Variants in FBXL17 observed in about 807,000 individuals in gnomAD.
FBXL17 encodes F-box and leucine rich repeat protein 17.
FBXL17 carries 22 observed loss-of-function variants against 66.2 expected under a neutral mutation model. The observed-to-expected ratio is 0.33, with a 90% confidence interval of 0.24 to 0.47. The LOEUF (loss-of-function observed/expected upper bound fraction) is 0.47. Ranked by LOEUF, FBXL17 falls within the 20% of genes least tolerant of loss-of-function variation. FBXL17 has a pLI of 1.00. For missense variants in FBXL17, 878 were observed against 948.2 expected (o/e 0.93, Z 0.97); for synonymous variants, 474 against 400.5 (o/e 1.18, Z -2.19).
At chr5:108,283,475 C>T (rs1487037967) in intron 4 of FBXL17, among the ~76,000 whole-genome samples, 1 of 151,658 alleles carries the variant, frequency 6.6e-6, no homozygotes, top group East Asian at 1.9e-4. Context: ...AAAAACTGGA[C>T]TGCCATATGA....
At chr5:108,258,562 T>C (rs572604605) in intron 4 of FBXL17, among the ~76,000 whole-genome samples, 1 of 152,196 alleles carries the variant, frequency 6.6e-6, no homozygotes, top group African/African-American at 2.4e-5. Context: ...AATACAAAAT[T>C]TCTGTTTGTT....
chr5:108,106,702 C>A (rs1347309806), intron 6 of FBXL17, among the ~76,000 whole-genome samples: 1 of 152,068 alleles, frequency 6.6e-6, no homozygotes, highest in African/African-American at 2.4e-5. Context: ...ATAGGCAAAT[C>A]CATAGAGACA....
chr5:107,992,996 C>T (rs1005861772), intron 7 of FBXL17, among the ~76,000 whole-genome samples: 42 of 152,014 alleles, frequency 2.8e-4, no homozygotes, highest in Non-Finnish European at 4.6e-4. Context: ...CCCAGGTTCA[C>T]GCCATTCTCC....
chr5:108,250,775 T>C (rs999530377), intron 4 of FBXL17, among the ~76,000 whole-genome samples: 1 of 152,138 alleles, frequency 6.6e-6, no homozygotes, highest in Non-Finnish European at 1.5e-5. Context: ...AATTGTTTAA[T>C]GCAAATGCTC....
intron 4 of FBXL17, among the ~76,000 whole-genome samples, chr5:108,245,642 A>C (rs1378986496): frequency 6.6e-6 from 1 of 152,246 alleles, no homozygotes; most frequent in African/African-American, 2.4e-5. Context: ...ATCGTAACTC[A>C]GTCCCCTTGG....
At chr5:108,053,585 A>G (rs1281845622) in intron 6 of FBXL17, among the ~76,000 whole-genome samples, 1 of 152,204 alleles carries the variant, frequency 6.6e-6, no homozygotes, top group Non-Finnish European at 1.5e-5. Context: ...GCCAGTCAGA[A>G]TGGCAATTAT....
intron 7 of FBXL17, among the ~76,000 whole-genome samples, chr5:107,919,719 CAG>C (rs1181709883): frequency 6.6e-6 from 1 of 152,192 alleles, no homozygotes; most frequent in Non-Finnish European, 1.5e-5. Flanking sequence ...ATCTTTCTTA[CAG>C]AGTCCTCTTC....
At chr5:108,232,615 C>T (rs940743081) in intron 4 of FBXL17, among the ~76,000 whole-genome samples, 14 of 151,040 alleles carry the variant, frequency 9.3e-5, no homozygotes, top group Admixed American at 8.0e-4. Context: ...ACAGGCCTAG[C>T]GTCCCAGCAT....
At chr5:107,888,688 T>G (rs1749053161) in intron 7 of FBXL17, among the ~76,000 whole-genome samples, 1 of 152,216 alleles carries the variant, frequency 6.6e-6, no homozygotes, top group East Asian at 1.9e-4. Context: ...ACTGGTAGTG[T>G]TATGTATACT....
chr5:108,119,023 T>C (rs1049051046), intron 6 of FBXL17, among the ~76,000 whole-genome samples: 7 of 152,228 alleles, frequency 4.6e-5, no homozygotes, highest in African/African-American at 1.2e-4. Context: ...TTTATTCATA[T>C]ATGCAAAAGG....
At chr5:107,882,606 G>C (rs1748830588) in intron 7 of FBXL17, among the ~76,000 whole-genome samples, 1 of 152,114 alleles carries the variant, frequency 6.6e-6, no homozygotes, top group Non-Finnish European at 1.5e-5. Context: ...ACTACTAAAA[G>C]TTTGCAGAAA....
At chr5:108,079,491 G>A (rs549903590) in intron 6 of FBXL17, among the ~76,000 whole-genome samples, 1 of 151,948 alleles carries the variant, frequency 6.6e-6, no homozygotes, top group Non-Finnish European at 1.5e-5. Flanking sequence ...AAAGACACTG[G>A]GTAGAGTTTC....
chr5:108,238,747 G>A (rs976091834), intron 4 of FBXL17, among the ~76,000 whole-genome samples: 1 of 152,108 alleles, frequency 6.6e-6, no homozygotes, highest in African/African-American at 2.4e-5. Context: ...TTGAACTTAA[G>A]CAATCCAGCT....
In FBXL17 at chr5:108,126,664, C is replaced by CTGTCT. The variant is rs1561423141; in HGVS notation, c.1745+59452_1745+59453insAGACA. 6.8e-3 allele frequency among the ~76,000 whole-genome samples: 738 copies of CTGTCT among 107,968 alleles called. 5 individuals carry two copies. The highest frequency in any genetic ancestry group is 0.023 in the African/African-American group (700 of 30,862). The allele number at this position is 107,968 out of a possible 152,430, so 70.8% of individuals were successfully genotyped here. A position where few individuals can be genotyped will look rare whatever the true frequency, so the allele number is the denominator to read the frequency against. ...CTCTCTCTCTCTCTATATATATATA[C>CTGTCT]ATATATATATATATATATATACACA... On this transcript the variant is annotated intron_variant, in intron 6 of 8. Coordinates refer to ENST00000542267, the MANE Select transcript of FBXL17 (RefSeq NM_001163315.3).
intron 6 of FBXL17, among the ~76,000 whole-genome samples, chr5:108,137,172 C>A (rs1192240294): frequency 6.6e-6 from 1 of 152,082 alleles, no homozygotes; most frequent in African/African-American, 2.4e-5. Flanking sequence ...ATGGAAAAAT[C>A]TTGAAATGTC....
At chr5:108,374,864 G>A (rs1749311161) in intron 1 of FBXL17, among the ~76,000 whole-genome samples, 1 of 152,006 alleles carries the variant, frequency 6.6e-6, no homozygotes, top group South Asian at 2.1e-4. Flanking sequence ...CAAAATCTAT[G>A]GGATACAGAA....
chr5:107,940,440 A>G (rs1751054084), intron 7 of FBXL17, among the ~76,000 whole-genome samples: 1 of 152,136 alleles, frequency 6.6e-6, no homozygotes, highest in South Asian at 2.1e-4. Context: ...AGGTACAGAG[A>G]GGAGTGAATG....
At chr5:107,974,443 C>T (rs1020554182) in intron 7 of FBXL17, among the ~76,000 whole-genome samples, 1 of 152,044 alleles carries the variant, frequency 6.6e-6, no homozygotes, top group Non-Finnish European at 1.5e-5. Context: ...ACTTTTTTCA[C>T]TGGCAATTTT....
chr5:108,130,306 C>T (rs2149975494), intron 6 of FBXL17, among the ~76,000 whole-genome samples: 1 of 151,682 alleles, frequency 6.6e-6, no homozygotes, highest in Middle Eastern at 3.4e-3. Flanking sequence ...AAGCATAAAA[C>T]TTAAAATTAA....
Sources: allele counts gnomAD v4.1 joint callset (sites outside exome capture counted in the v4.1 genomes callset), GRCh38; gene constraint gnomAD v4.1.1; transcripts MANE v1.5; gene names NCBI Gene and HGNC (gene_info 2026-07-23, HGNC 2026-07-21).